PKD2L2: variants seen among roughly 807,000 people sequenced by gnomAD.
The protein encoded by PKD2L2 is polycystin 2 like 2, transient receptor potential cation channel.
PKD2L2 carries 67 observed loss-of-function variants against 83.9 expected under a neutral mutation model. The ratio of observed to expected loss-of-function variants is 0.80; its 90% CI spans 0.66 to 0.98. PKD2L2 has a LOEUF of 0.98. PKD2L2 is among the 50% of genes least tolerant of loss of function. The probability of loss-of-function intolerance (pLI) is 0.00; values close to 1 mark genes in which losing one functional copy is unlikely to be tolerated. For missense variants in PKD2L2, 632 were observed against 717.2 expected (o/e 0.88, Z 1.36); for synonymous variants, 223 against 237.8 (o/e 0.94, Z 0.57).
intron 14 of PKD2L2, among the ~76,000 whole-genome samples, chr5:137,937,270 GA>G: frequency 6.6e-6 from 1 of 152,304 alleles, no homozygotes; most frequent in Non-Finnish European, 1.5e-5. Flanking sequence ...GCCACCTACA[GA>G]AATCTCACTA....
At chr5:137,905,865 A>G (rs540213371) in intron 5 of PKD2L2, among the ~76,000 whole-genome samples, 2 of 152,180 alleles carry the variant, frequency 1.3e-5, no homozygotes, top group Non-Finnish European at 2.9e-5. Flanking sequence ...TTTCTTGAAC[A>G]TATCATTCTC....
At chr5:137,942,173 C>A in intron 14 of PKD2L2, 1 of 681,378 alleles carries the variant, frequency 1.5e-6, no homozygotes, top group South Asian at 1.9e-5. Context: ...CTAAGCTCCA[C>A]TGCAAACCAA....
intron 8 of PKD2L2, among the ~76,000 whole-genome samples, chr5:137,913,184 CTT>C (rs35984179): frequency 1.8e-3 from 190 of 104,832 alleles, no homozygotes; most frequent in Admixed American, 3.5e-3. Context: ...CTTCTTTTTT[CTT>C]TTTTTTTTTT....
intron 4 of PKD2L2, among the ~76,000 whole-genome samples, chr5:137,898,053 G>A (rs920573312): frequency 1.0e-4 from 15 of 150,682 alleles, no homozygotes; most frequent in African/African-American, 2.9e-4. Context: ...TGCAGCCCCC[G>A]CCTCCTGGGT....
At position 137,920,736 on chromosome 5, in the gene PKD2L2, G is replaced by A. The variant is rs554698198; in HGVS notation, c.1329-900G>A. ...CGTGCCATTGCACTCCAGCCTGGGC[G>A]ACAAGAGCGAAACTCCATCTAAAAA... On this transcript the variant is annotated intron_variant, in intron 8 of 14. Coordinates refer to ENST00000508883, the MANE Select transcript of PKD2L2 (RefSeq NM_001300921.2). Among the ~76,000 whole-genome samples, 28 of 145,252 alleles carry A rather than the reference G, an allele frequency of 1.9e-4. 1 individual carries two copies. Among genetic ancestry groups the A allele is most frequent in the Admixed American group, 4.9e-4 (7 of 14,154 alleles).
At chr5:137,928,651 C>T (rs1488842880) in intron 12 of PKD2L2, among the ~76,000 whole-genome samples, 5 of 152,268 alleles carry the variant, frequency 3.3e-5, no homozygotes, top group South Asian at 2.1e-4. Flanking sequence ...AGGCTGGTCT[C>T]GAGCTTCCGG....
intron 12 of PKD2L2, among the ~76,000 whole-genome samples, chr5:137,932,606 A>G (rs78107157): frequency 0.013 from 2,021 of 152,142 alleles, 34 homozygotes; most frequent in African/African-American, 0.044. Context: ...ACTAGAACCT[A>G]CTATCTTAGA....
rs1755878598 is a variant in PKD2L2, at chr5:137,890,597, A to G, written c.133+15A>G. On this transcript the variant is annotated intron_variant, in intron 2 of 14. Coordinates refer to ENST00000508883, the MANE Select transcript of PKD2L2 (RefSeq NM_001300921.2). ...CCTATGTATATGTAAGTACACAGAT[A>G]TAAAGATGCTGTTTGTTTGAACTAA... is the stretch of plus-strand genomic sequence containing the variant. 1 of 1,048,748 alleles carries G rather than the reference A, an allele frequency of 9.5e-7. No individual in the cohort carries two copies. The highest frequency in any genetic ancestry group is 1.6e-5 in the African/African-American group (1 of 60,830). 65.0% of individuals were successfully genotyped at this position (1,048,748 alleles called of 1,614,324 possible). A position where few individuals can be genotyped will look rare whatever the true frequency, so the allele number is the denominator to read the frequency against.
At chr5:137,909,065 G>A (rs1368083269) in intron 8 of PKD2L2, 119 bp downstream of exon 8, 1 of 611,278 alleles carries the variant, frequency 1.6e-6, no homozygotes, top group Non-Finnish European at 2.8e-6. Context: ...AACTTAGTTT[G>A]ATATTTTCTT....
intron 13 of PKD2L2, 88 bp downstream of exon 13, chr5:137,935,997 A>G (rs1025991004): frequency 5.1e-6 from 4 of 782,990 alleles, no homozygotes; most frequent in Middle Eastern, 2.6e-4. Context: ...TCCTGAACCC[A>G]AAACTTTACT....
chr5:137,897,608 C>T (rs1756592071), intron 4 of PKD2L2, among the ~76,000 whole-genome samples: 1 of 152,122 alleles, frequency 6.6e-6, no homozygotes, highest in Non-Finnish European at 1.5e-5. Context: ...AAAAAAGAAT[C>T]AATTTGTCCT....
At chr5:137,899,382 G>T (rs1048952667) in intron 4 of PKD2L2, 134 bp from the exon 5 acceptor site, 12 of 633,672 alleles carry the variant, frequency 1.9e-5, no homozygotes, top group Non-Finnish European at 3.1e-5. Flanking sequence ...CTCCCAAAGT[G>T]TTGGGATTAC....
chr5:137,917,162 CTTTTTTT>C (rs34636933), intron 8 of PKD2L2, among the ~76,000 whole-genome samples: 16 of 127,206 alleles, frequency 1.3e-4, no homozygotes, highest in African/African-American at 4.8e-4. Flanking sequence ...GTTCACTTTT[CTTTTTTT>C]TTTTTTTTTT....
At chr5:137,911,953 C>T (rs1258421919) in intron 8 of PKD2L2, among the ~76,000 whole-genome samples, 2 of 152,194 alleles carry the variant, frequency 1.3e-5, no homozygotes, top group African/African-American at 4.8e-5. Flanking sequence ...TGATGGTCCT[C>T]CAATTTCATC....
At chr5:137,929,785 A>C (rs1759713550) in intron 12 of PKD2L2, among the ~76,000 whole-genome samples, 1 of 152,138 alleles carries the variant, frequency 6.6e-6, no homozygotes, top group South Asian at 2.1e-4. Flanking sequence ...TTTGAATCAC[A>C]AAGCAAACCC....
chr5:137,923,565 C>T (rs376701496), intron 10 of PKD2L2, 44 bp downstream of exon 10: 6 of 884,130 alleles, frequency 6.8e-6, no homozygotes, highest in East Asian at 4.8e-5. Context: ...AGACAAACCT[C>T]ATATAGTTTA....
At chr5:137,915,821 T>C (rs1758278390) in intron 8 of PKD2L2, among the ~76,000 whole-genome samples, 1 of 152,176 alleles carries the variant, frequency 6.6e-6, no homozygotes, top group South Asian at 2.1e-4. Context: ...ATAATAATAC[T>C]AGCTTTTATA....
At chr5:137,935,266 AG>A (rs1444796513) in intron 12 of PKD2L2, among the ~76,000 whole-genome samples, 1 of 152,218 alleles carries the variant, frequency 6.6e-6, no homozygotes, top group Non-Finnish European at 1.5e-5. Flanking sequence ...AGGAAGGTTC[AG>A]CAATACAAAT....
chr5:137,907,238 G>C (rs1341491162), intron 6 of PKD2L2, among the ~76,000 whole-genome samples: 4 of 152,148 alleles, frequency 2.6e-5, no homozygotes, highest in Non-Finnish European at 4.4e-5. Flanking sequence ...GTTTATTTGA[G>C]CATTTGAGGC....
Sources: allele counts gnomAD v4.1 joint callset (sites outside exome capture counted in the v4.1 genomes callset), GRCh38; gene constraint gnomAD v4.1.1; transcripts MANE v1.5; gene names NCBI Gene and HGNC (gene_info 2026-07-23, HGNC 2026-07-21).